The following CABIN1 variants were observed in gnomAD, a reference collection of about 807,000 sequenced individuals.
CABIN1 encodes calcineurin-binding protein cabin-1.
In CABIN1, 133 loss-of-function variants were observed where a neutral mutation model predicts 227.7. The observed-to-expected ratio is 0.58, with a 90% CI of 0.51 to 0.67. CABIN1 has a LOEUF of 0.67. CABIN1 is among the 30% of genes least tolerant of loss of function. The probability of loss-of-function intolerance (pLI) is 0.00; values close to 1 mark genes in which losing one functional copy is unlikely to be tolerated. For synonymous variants in CABIN1, 1,086 were observed against 1,155.1 expected, an observed-to-expected ratio of 0.94 and a Z score of 1.21; for missense variants, 2,408 against 2,852.5, an observed-to-expected ratio of 0.84 and a Z score of 3.55.
chr22:24,035,624 A>T (rs1286886934), intron 2 of CABIN1, 104 bp downstream of exon 2: 74 of 1,416,360 alleles, frequency 5.2e-5, no homozygotes, highest in Non-Finnish European at 7.2e-5. Context: ...GGCTCTTATT[A>T]TGGAGTAGCC....
intron 19 of CABIN1, among the ~76,000 whole-genome samples, chr22:24,077,505 T>C (rs1397074564): frequency 1.3e-5 from 2 of 152,256 alleles, no homozygotes; most frequent in East Asian, 3.8e-4. Context: ...TGCTGGTTAG[T>C]GTCTGAGGCA....
chr22:24,079,558 G>A (rs1280576663), intron 19 of CABIN1, among the ~76,000 whole-genome samples: 1 of 152,084 alleles, frequency 6.6e-6, no homozygotes, highest in East Asian at 1.9e-4. Flanking sequence ...GTCAGCCCTA[G>A]GTACAGTAGA....
chr22:24,069,438 T>G (rs1479083705), intron 16 of CABIN1, among the ~76,000 whole-genome samples: 1 of 152,228 alleles, frequency 6.6e-6, no homozygotes, highest in African/African-American at 2.4e-5. Context: ...TTCATTGGTG[T>G]TTATTCTACT....
chr22:24,141,128 T>C (rs1380404687), intron 29 of CABIN1, among the ~76,000 whole-genome samples: 2 of 152,246 alleles, frequency 1.3e-5, no homozygotes, highest in South Asian at 2.1e-4. Context: ...AGTGCTAGGA[T>C]GTGACTGAAG....
intron 11 of CABIN1, 31 bp from the exon 12 acceptor site, chr22:24,059,893 T>A: frequency 2.5e-6 from 4 of 1,592,900 alleles, no homozygotes; most frequent in Non-Finnish European, 3.4e-6. Flanking sequence ...TACTCTTTAT[T>A]CAAGTCAGGT....
rs199525666 is a variant in CABIN1 at position 24,084,757 on chromosome 22, C to A, written c.3089C>A (p.Ser1030Tyr). 1 of 1,614,224 alleles carries A rather than the reference C, an allele frequency of 6.2e-7. No individual in the cohort carries two copies. Among genetic ancestry groups the A allele is most frequent in the African/African-American group, 1.3e-5 (1 of 75,058 alleles). Residue 1030 changes from serine (S) to tyrosine (Y), a missense_variant, in exon 21 of 37, where the codon TCT becomes TAT. By Grantham distance (144) the Ser-to-Tyr change is moderately radical (BLOSUM62 -2). This residue lies in a region of CABIN1 where 649 missense variants were observed against 910.3 expected (regional missense o/e 0.71). Transcript: ENST00000263119. ...ERPALSLDKVSAYIEGTSTEV... is the reference protein window; with the variant it reads ...ERPALSLDKVYAYIEGTSTEV... ...CCAGCCCTTAGCCTGGACAAAGTCT[C>A]TGCCTACATTGAGGGAACTTCAACT...
At chr22:24,167,768 G>C (rs183571885) in intron 32 of CABIN1, among the ~76,000 whole-genome samples, 119 of 152,222 alleles carry the variant, frequency 7.8e-4, no homozygotes, top group African/African-American at 2.7e-3. Context: ...TTAGTGACTG[G>C]TTCAGATGGG....
chr22:24,158,037 G>A (rs1422417924), intron 29 of CABIN1, among the ~76,000 whole-genome samples: 2 of 152,182 alleles, frequency 1.3e-5, no homozygotes, highest in Admixed American at 6.5e-5. Context: ...CGCCTGTTCC[G>A]AGCACTGAGT....
At chr22:24,022,361 T>C (rs560168254) in intron 1 of CABIN1, among the ~76,000 whole-genome samples, 6 of 152,336 alleles carry the variant, frequency 3.9e-5, no homozygotes, top group African/African-American at 1.4e-4. Context: ...AGAAATATAA[T>C]AGTGTACAAC....
At chr22:24,042,787 C>G in intron 5 of CABIN1, 117 bp from the exon 6 acceptor site, 1 of 981,514 alleles carries the variant, frequency 1.0e-6, no homozygotes, top group Non-Finnish European at 1.5e-6. Context: ...CTCCTCCCGT[C>G]CCCGGGGTGC....
intron 29 of CABIN1, among the ~76,000 whole-genome samples, chr22:24,145,961 G>A (rs2045088527): frequency 6.6e-6 from 1 of 152,188 alleles, no homozygotes; most frequent in African/African-American, 2.4e-5. Context: ...GAGGAAATGG[G>A]CTGGGCTTCT....
chr22:24,077,699 A>G (rs549387858), intron 19 of CABIN1, among the ~76,000 whole-genome samples: 154 of 152,272 alleles, frequency 1.0e-3, no homozygotes, highest in Admixed American at 2.0e-3. Flanking sequence ...CCCTCTGCCA[A>G]CCAACCCTCT....
intron 29 of CABIN1, among the ~76,000 whole-genome samples, chr22:24,136,739 G>GCACACACACACACACA (rs200091743): frequency 7.2e-6 from 1 of 139,654 alleles, no homozygotes; most frequent in African/African-American, 2.6e-5. Context: ...ACACACACAC[G>GCACACACACACACACA]CACACACACA....
At chr22:24,141,765 T>C (rs1191067385) in intron 29 of CABIN1, among the ~76,000 whole-genome samples, 3 of 152,226 alleles carry the variant, frequency 2.0e-5, no homozygotes, top group Non-Finnish European at 2.9e-5. Flanking sequence ...TCTGCCATGT[T>C]CTCTCCTACT....
intron 29 of CABIN1, among the ~76,000 whole-genome samples, chr22:24,159,751 G>A (rs559696309): frequency 6.6e-6 from 1 of 152,298 alleles, no homozygotes; most frequent in Admixed American, 6.5e-5. Flanking sequence ...CAGAGAGCTT[G>A]CTTAGAGGCC....
rs148338605 is a variant in CABIN1 at position 24,089,606 on chromosome 22, T to A, written c.3525+1893T>A. 2.5e-3 allele frequency among the ~76,000 whole-genome samples: 378 copies of A among 152,320 alleles called. 4 individuals carry two copies. Among genetic ancestry groups the A allele is most frequent in the Admixed American group, 0.02 (307 of 15,292 alleles). ...AGCTGCCTTGTGCCTCCTGGGTTTTTTCCACCTCTGGAGAGACAGCTTCCA... is the reference window on the plus strand; with the variant it reads ...AGCTGCCTTGTGCCTCCTGGGTTTTATCCACCTCTGGAGAGACAGCTTCCA... On this transcript the variant is annotated intron_variant, in intron 23 of 36. Coordinates refer to ENST00000263119, the MANE Select transcript of CABIN1 (RefSeq NM_012295.4).
At chr22:24,094,038 C>G (rs906553793) in intron 24 of CABIN1, among the ~76,000 whole-genome samples, 1 of 152,194 alleles carries the variant, frequency 6.6e-6, no homozygotes, top group African/African-American at 2.4e-5. Context: ...TCATAGTGCT[C>G]ATACTGTCCA....
chr22:24,090,312 C>T (rs2041458587), intron 23 of CABIN1, among the ~76,000 whole-genome samples: 1 of 152,170 alleles, frequency 6.6e-6, no homozygotes, highest in Non-Finnish European at 1.5e-5. Flanking sequence ...GGGCTAGTGA[C>T]TTGGTCCAGG....
intron 28 of CABIN1, among the ~76,000 whole-genome samples, chr22:24,126,662 G>A (rs1403326440): frequency 1.3e-5 from 2 of 152,192 alleles, no homozygotes; most frequent in African/African-American, 4.8e-5. Context: ...GGCAAGTTTT[G>A]GCAGGGGAGG....
Sources: gnomAD v4.1 joint callset for allele counts (sites outside exome capture counted in the v4.1 genomes callset) on GRCh38, gnomAD v4.1.1 for gene constraint, gnomAD v4.1.1 regional missense constraint, MANE v1.5 for transcripts, NCBI Gene and HGNC (gene_info 2026-07-23, HGNC 2026-07-21) for gene names.